The following PCDHA10 variants were observed in gnomAD, a reference collection of about 807,000 sequenced individuals.
PCDHA10 encodes the protein protocadherin alpha-10.
PCDHA10 carries 45 observed loss-of-function variants against 61.2 expected under a neutral mutation model. The ratio of observed to expected loss-of-function variants is 0.74; its 90% CI spans 0.58 to 0.94. The LOEUF (loss-of-function observed/expected upper bound fraction) is 0.94, where lower values mean the gene tolerates loss of function less well. PCDHA10 is among the 40% of genes least tolerant of loss of function. The probability of loss-of-function intolerance (pLI) is 0.00; values close to 1 mark genes in which losing one functional copy is unlikely to be tolerated. For synonymous variants in PCDHA10, 602 were observed against 548.8 expected (o/e 1.10, Z -1.35); for missense variants, 1,278 against 1,236.2 (o/e 1.03, Z -0.51).
rs1554148561 is a variant in PCDHA10 at position 140,856,340 on chromosome 5, A to G, written c.292A>G (p.Ser98Gly). Reference sequence around the variant, plus strand: ...TGACCGCGAGGAGCTGTGCGGGCGGAGCGTGGAGTGCAGCATCCACCTGGA... The same window carrying G: ...TGACCGCGAGGAGCTGTGCGGGCGGGGCGTGGAGTGCAGCATCCACCTGGA... ...RIDREELCGR[S>G]VECSIHLEVI... Residue 98 changes from serine (S) to glycine (G), a missense_variant, in exon 1 of 4, where the codon AGC (serine) becomes GGC (glycine). By Grantham distance (56) the Ser-to-Gly change is moderately conservative (BLOSUM62 0). Transcript: ENST00000307360. 1 of 1,598,438 alleles carries G rather than the reference A, an allele frequency of 6.3e-7. No homozygotes were observed. Among genetic ancestry groups the G allele is most frequent in the Non-Finnish European group, 8.6e-7 (1 of 1,167,964 alleles).
intron 3 of PCDHA10, among the ~76,000 whole-genome samples, chr5:140,996,923 A>G (rs1385919756): frequency 6.6e-6 from 1 of 152,230 alleles, no homozygotes; most frequent in Non-Finnish European, 1.5e-5. Flanking sequence ...ATATTAAAAA[A>G]TATAGCATTT....
intron 1 of PCDHA10, chr5:140,862,517 T>C (rs962060354): frequency 3.9e-5 from 16 of 410,600 alleles, no homozygotes; most frequent in African/African-American, 2.9e-4. Flanking sequence ...GCTTTCATTG[T>C]TGGCCACAGC....
Position 140,876,936 on chromosome 5 carries a change from G to C in PCDHA10, c.2388+18500G>C, listed in dbSNP as rs567563243. On this transcript the variant is annotated intron_variant, in intron 1 of 3. Transcript: ENST00000307360. ...GGGACGCGGACGCGCAGAAGAACGCGCTGGTGTCCTACTCGCTGGTGGAGC... is the reference window on the plus strand; with the variant it reads ...GGGACGCGGACGCGCAGAAGAACGCCCTGGTGTCCTACTCGCTGGTGGAGC... 190 of 1,613,730 alleles carry C rather than the reference G, an allele frequency of 1.2e-4. 1 individual carries two copies. The highest frequency in any genetic ancestry group is 1.5e-4 in the South Asian group (14 of 91,062).
chr5:140,861,154 CA>C lies in PCDHA10; in HGVS notation c.2388+2722del, dbSNP rs782409708. On this transcript the variant is annotated intron_variant, in intron 1 of 3. Coordinates refer to ENST00000307360, the MANE Select transcript of PCDHA10 (RefSeq NM_018901.4). ...CACTTGGAACCTCAGGAACAAGGAC[CA>C]AAAGGTCTCAGAGGAACTAAGTCTT... The C allele has an allele frequency of 5.8e-4, 90 of 154,832 alleles. 1 individual carries two copies. The highest frequency in any genetic ancestry group is 1.2e-3 in the Non-Finnish European group (81 of 69,986). 9.6% of individuals were successfully genotyped at this position (154,832 alleles called of 1,614,324 possible). A position where few individuals can be genotyped will look rare whatever the true frequency, so the allele number is the denominator to read the frequency against.
chr5:140,882,059 A>C, intron 1 of PCDHA10: 1 of 799,024 alleles, frequency 1.3e-6, no homozygotes, highest in Non-Finnish European at 1.9e-6. Flanking sequence ...TTACACTTAC[A>C]CGTTCATGCG....
intron 1 of PCDHA10, among the ~76,000 whole-genome samples, chr5:140,924,406 C>T (rs1353288147): frequency 6.6e-6 from 1 of 152,132 alleles, no homozygotes; most frequent in Non-Finnish European, 1.5e-5. Context: ...CCTTATATCA[C>T]AGTGTGCCCT....
chr5:140,920,511 A>G (rs564811520), intron 1 of PCDHA10, among the ~76,000 whole-genome samples: 1 of 152,284 alleles, frequency 6.6e-6, no homozygotes, highest in East Asian at 1.9e-4. Flanking sequence ...ATACTGTTTT[A>G]TGCAATTCGT....
chr5:140,935,318 T>A (rs1554210460), intron 1 of PCDHA10, among the ~76,000 whole-genome samples: 1 of 152,194 alleles, frequency 6.6e-6, no homozygotes, highest in African/African-American at 2.4e-5. Flanking sequence ...TTCATCAATC[T>A]TACATTCCTA....
chr5:140,967,898 G>A (rs751530394), intron 1 of PCDHA10: 9 of 1,614,046 alleles, frequency 5.6e-6, no homozygotes, highest in Non-Finnish European at 7.6e-6. Context: ...GCCTGAGAAT[G>A]CTACACCCAA....
Position 140,927,866 on chromosome 5 carries a change from A to G in PCDHA10, c.2389-51083A>G, listed in dbSNP as rs1554205166. The G allele has an allele frequency of 2.5e-6, 4 of 1,614,224 alleles. No individual in the cohort carries two copies. In the Admixed American group the frequency reaches 6.7e-5, roughly 27 times the overall value. On this transcript the variant is annotated intron_variant, in intron 1 of 3. Transcript: ENST00000307360. Reference sequence around the variant, plus strand: ...GTCTTTGGTTTAGCTAGCACCGCTAAACTGCTGGTGGAGGTGACTGACGTG... The same window carrying G: ...GTCTTTGGTTTAGCTAGCACCGCTAGACTGCTGGTGGAGGTGACTGACGTG...
intron 1 of PCDHA10, among the ~76,000 whole-genome samples, chr5:140,888,357 G>C (rs2061799918): frequency 6.6e-6 from 1 of 152,138 alleles, no homozygotes; most frequent in Non-Finnish European, 1.5e-5. Flanking sequence ...ATTGCTACTG[G>C]CATCTAATAA....
rs367948106 is a variant in PCDHA10 at position 140,876,049 on chromosome 5, G to A, written c.2388+17613G>A. On this transcript the variant is annotated intron_variant, in intron 1 of 3. Coordinates refer to ENST00000307360, the MANE Select transcript of PCDHA10 (RefSeq NM_018901.4). Reference sequence around the variant, plus strand: ...AAAAAAAGATAAAAGTATATTGCCTGAATTAGTTCTTCGGAAGTTATTGGA... The same window carrying A: ...AAAAAAAGATAAAAGTATATTGCCTAAATTAGTTCTTCGGAAGTTATTGGA... The A allele has an allele frequency of 3.6e-4, 586 of 1,613,784 alleles. No individual in the cohort carries two copies. The highest frequency in any genetic ancestry group is 4.9e-4 in the Non-Finnish European group (575 of 1,179,896).
chr5:140,932,712 A>G (rs1025750078), intron 1 of PCDHA10, among the ~76,000 whole-genome samples: 4 of 151,972 alleles, frequency 2.6e-5, no homozygotes, highest in African/African-American at 9.6e-5. Context: ...AGACAACACA[A>G]TAATATTGTA....
intron 1 of PCDHA10, chr5:140,870,420 G>T (rs371557347): frequency 1.4e-5 from 23 of 1,614,116 alleles, no homozygotes; most frequent in Non-Finnish European, 1.9e-5. Flanking sequence ...CCACGGCCAG[G>T]GTATCCGTGG....
intron 1 of PCDHA10, among the ~76,000 whole-genome samples, chr5:140,891,837 G>T (rs563744812): frequency 2.9e-4 from 44 of 152,264 alleles, no homozygotes; most frequent in Admixed American, 1.9e-3. Flanking sequence ...AAAAGGACTT[G>T]ATGGAAGGAG....
intron 1 of PCDHA10, among the ~76,000 whole-genome samples, chr5:140,949,684 C>T (rs116815984): frequency 0.023 from 3,563 of 151,738 alleles, 50 homozygotes; most frequent in Middle Eastern, 0.051. Context: ...CTTGTTGAAG[C>T]GTATTGTTGG....
At chr5:140,877,851 A>G in intron 1 of PCDHA10, 1 of 1,546,284 alleles carries the variant, frequency 6.5e-7, no homozygotes, top group South Asian at 1.3e-5. Context: ...TAAGTTATTA[A>G]TATTATTTAG....
intron 1 of PCDHA10, chr5:140,871,714 T>G (rs938500670): frequency 2.5e-6 from 2 of 805,644 alleles, no homozygotes; most frequent in African/African-American, 3.5e-5. Context: ...AATGTCCTAT[T>G]TCTCTTAATA....
At chr5:140,997,840 A>G (rs2097788062) in intron 3 of PCDHA10, among the ~76,000 whole-genome samples, 2 of 152,216 alleles carry the variant, frequency 1.3e-5, no homozygotes, top group Non-Finnish European at 2.9e-5. Flanking sequence ...AATACAATAT[A>G]CATTCTTATA....
Sources: gnomAD v4.1 joint callset for allele counts (sites outside exome capture counted in the v4.1 genomes callset) on GRCh38, gnomAD v4.1.1 for gene constraint, MANE v1.5 for transcripts, NCBI Gene and HGNC (gene_info 2026-07-23, HGNC 2026-07-21) for gene names.